The following DNAJC18 variants were observed in gnomAD, a reference collection of about 807,000 sequenced individuals.
The protein encoded by DNAJC18 is dnaJ homolog subfamily C member 18.
DNAJC18 carries 40 observed loss-of-function variants against 48.6 expected under a neutral mutation model. That is an observed-to-expected ratio of 0.82 (90% CI 0.64 to 1.07). The LOEUF is 1.07. Among genes scored for constraint, DNAJC18 ranks in the 50% least tolerant of loss-of-function variants. The pLI is 0.00. For synonymous variants in DNAJC18, 135 were observed against 152.2 expected (o/e 0.89, Z 0.83); for missense variants, 340 against 427.7 (o/e 0.79, Z 1.81).
chr5:139,422,597 G>A (rs1759172121), intron 6 of DNAJC18, 111 bp downstream of exon 6: 1 of 839,006 alleles, frequency 1.2e-6, no homozygotes, highest in African/African-American at 1.8e-5. Context: ...CATCAAATCG[G>A]TGTTTTCTAC....
chr5:139,426,925 G>T (rs1481558052), intron 3 of DNAJC18, among the ~76,000 whole-genome samples: 2 of 152,104 alleles, frequency 1.3e-5, no homozygotes, highest in African/African-American at 4.8e-5. Context: ...TTGCTGCATT[G>T]CCCAGACTAG....
intron 5 of DNAJC18, among the ~76,000 whole-genome samples, chr5:139,423,124 G>A (rs1026387276): frequency 2.6e-5 from 4 of 152,136 alleles, no homozygotes; most frequent in Middle Eastern, 3.4e-3. Context: ...GAGCCACTGC[G>A]CCTGGCCTGT....
chr5:139,414,587 G>A (rs927527981), intron 7 of DNAJC18, among the ~76,000 whole-genome samples: 1 of 152,252 alleles, frequency 6.6e-6, no homozygotes, highest in East Asian at 1.9e-4. Flanking sequence ...CCACCCTATA[G>A]CCTCCTACAA....
chr5:139,432,716 A>G (rs1297040566), intron 2 of DNAJC18, among the ~76,000 whole-genome samples: 1 of 152,236 alleles, frequency 6.6e-6, no homozygotes, highest in African/African-American at 2.4e-5. Context: ...GAGCCAGTCC[A>G]GAAAAAGGGC....
intron 6 of DNAJC18, 73 bp downstream of exon 6, chr5:139,422,635 A>G: frequency 1.8e-6 from 2 of 1,094,836 alleles, no homozygotes; most frequent in South Asian, 2.7e-5. Flanking sequence ...AATGTTAGTA[A>G]TGTATCAGCA....
intron 5 of DNAJC18, among the ~76,000 whole-genome samples, chr5:139,423,515 G>A (rs894736060): frequency 6.6e-6 from 1 of 151,668 alleles, no homozygotes; most frequent in Non-Finnish European, 1.5e-5. Context: ...TCAGCCTCCT[G>A]AGAAGCTGGG....
chr5:139,439,091 G>C lies in DNAJC18; in HGVS notation c.40+315C>G, dbSNP rs1750738930. Among the ~76,000 whole-genome samples, 1 of 152,162 alleles carries C rather than the reference G, an allele frequency of 6.6e-6. No homozygotes were observed. The highest frequency in any genetic ancestry group is 2.1e-4 in the South Asian group (1 of 4,830). On this transcript the variant is annotated intron_variant, in intron 1 of 7. Coordinates refer to ENST00000302060, the MANE Select transcript of DNAJC18 (RefSeq NM_152686.4). The surrounding 1 kb of genome is among the most constrained non-coding windows in gnomAD (Gnocchi z 4.1). ...AAGGGCCAGGTTAGCAAGCTGCGGA[G>C]AGACCGCAGCACCCCACGGGCCCTC...
intron 2 of DNAJC18, 108 bp from the exon 3 acceptor site, chr5:139,428,791 A>G (rs1759283212): frequency 3.0e-6 from 4 of 1,347,086 alleles, no homozygotes; most frequent in African/African-American, 2.9e-5. Context: ...AAACAAACCT[A>G]TAAGAAAATT....
intron 2 of DNAJC18, among the ~76,000 whole-genome samples, chr5:139,429,365 A>C (rs1759295412): frequency 6.6e-6 from 1 of 152,094 alleles, no homozygotes; most frequent in Admixed American, 6.6e-5. Context: ...TACAGGTGTG[A>C]GCCACCGTGC....
At chr5:139,419,997 G>A (rs1463969223) in intron 7 of DNAJC18, 56 bp downstream of exon 7, 1 of 1,460,460 alleles carries the variant, frequency 6.8e-7, no homozygotes, top group Non-Finnish European at 9.1e-7. Context: ...GAGGCTGGGG[G>A]TGCCTCCTGC....
At chr5:139,435,704 A>ATTTTTTTTTTTTTTTTTTTTTT (rs1561470246) in intron 2 of DNAJC18, among the ~76,000 whole-genome samples, 1 of 20,136 alleles carries the variant, frequency 5.0e-5, no homozygotes, top group Non-Finnish European at 1.2e-4. Context: ...CTTCATTGGA[A>ATTTTTTTTTTTTTTTTTTTTTT]GTTTTTTTTT....
At chr5:139,419,340 A>C (rs1283259854) in intron 7 of DNAJC18, among the ~76,000 whole-genome samples, 2 of 152,250 alleles carry the variant, frequency 1.3e-5, no homozygotes, top group Non-Finnish European at 1.5e-5. Flanking sequence ...CTGGAGCTGT[A>C]AGCCAGTGGC....
intron 5 of DNAJC18, among the ~76,000 whole-genome samples, chr5:139,424,717 CAAAAAAAAAAAAAAAAA>C (rs70982777): frequency 6.1e-4 from 14 of 23,118 alleles, no homozygotes; most frequent in Middle Eastern, 0.045. Context: ...GACCCTCTCT[CAAAAAAAAAAAAAAAAA>C]AAAAAAAAAA....
In DNAJC18 at chr5:139,413,180, A is replaced by ATAC. The variant is rs938779746; in HGVS notation, c.*965_*967dup. The stretch of plus-strand genomic sequence containing the variant: ...ATCATCTCAAATCACAAACTATAGG[A>ATAC]TACTGGGTTAAACAAAGTGGCTGCT... On this transcript the variant is annotated 3_prime_UTR_variant, in exon 8 of 8. Coordinates refer to ENST00000302060, the MANE Select transcript of DNAJC18 (RefSeq NM_152686.4). The ATAC allele has an allele frequency of 6.8e-6, 2 of 292,426 alleles. No individual in the cohort carries two copies. The highest frequency in any genetic ancestry group is 4.3e-5 in the African/African-American group (2 of 46,118). The allele number at this position is 292,426 out of a possible 1,614,324, so 18.1% of individuals were successfully genotyped here. A position where few individuals can be genotyped will look rare whatever the true frequency, so the allele number is the denominator to read the frequency against.
chr5:139,417,651 G>T (rs1193384133), intron 7 of DNAJC18, among the ~76,000 whole-genome samples: 3 of 148,948 alleles, frequency 2.0e-5, no homozygotes, highest in African/African-American at 7.5e-5. Flanking sequence ...TCAGCAGACT[G>T]CAACCTCCGC....
At chr5:139,433,104 G>A (rs533461365) in intron 2 of DNAJC18, among the ~76,000 whole-genome samples, 1 of 152,270 alleles carries the variant, frequency 6.6e-6, no homozygotes, top group South Asian at 2.1e-4. Flanking sequence ...ATCATGGACT[G>A]TATGCCTTTC....
At chr5:139,423,995 G>A (rs552084198) in intron 5 of DNAJC18, among the ~76,000 whole-genome samples, 1 of 152,286 alleles carries the variant, frequency 6.6e-6, no homozygotes, top group African/African-American at 2.4e-5. Context: ...CTAGGAGCCA[G>A]GTTAGCATCA....
chr5:139,434,040 C>T lies in DNAJC18; in HGVS notation c.227+3332G>A, dbSNP rs12658857. ...CCAAGTAGCTGGGATTACAGGTGTGCGCCACCACGCCTGACTAGTTTTGTA... is the reference window on the plus strand; with the variant it reads ...CCAAGTAGCTGGGATTACAGGTGTGTGCCACCACGCCTGACTAGTTTTGTA... On this transcript the variant is annotated intron_variant, in intron 2 of 7. Coordinates refer to ENST00000302060, the MANE Select transcript of DNAJC18 (RefSeq NM_152686.4). Among the ~76,000 whole-genome samples, 283 of 151,998 alleles carry T rather than the reference C, an allele frequency of 1.9e-3. 5 individuals carry two copies. In the East Asian group the frequency reaches 0.033, roughly 18 times the overall value.
chr5:139,415,542 C>A (rs929257321), intron 7 of DNAJC18, among the ~76,000 whole-genome samples: 1 of 152,244 alleles, frequency 6.6e-6, no homozygotes, highest in Non-Finnish European at 1.5e-5. Flanking sequence ...CAGAACAATG[C>A]GCTCTCCCTG....
Sources: gnomAD v4.1 joint callset for allele counts (sites outside exome capture counted in the v4.1 genomes callset) on GRCh38, gnomAD v4.1.1 for gene constraint, Gnocchi (gnomAD v3.1) non-coding constraint, MANE v1.5 for transcripts, NCBI Gene and HGNC (gene_info 2026-07-23, HGNC 2026-07-21) for gene names.